Variants in MAPK4 observed in about 807,000 individuals in gnomAD.
MAPK4 encodes the protein Erk3-related.
A neutral mutation model predicts 47.7 loss-of-function variants in MAPK4; 22 were observed. The ratio of observed to expected loss-of-function variants is 0.46; its 90% CI spans 0.33 to 0.66. The LOEUF (loss-of-function observed/expected upper bound fraction) is 0.66, where lower values mean the gene tolerates loss of function less well. Ranked by LOEUF, MAPK4 falls within the 30% of genes least tolerant of loss-of-function variation. The probability of loss-of-function intolerance (pLI) is 0.02; values close to 1 mark genes in which losing one functional copy is unlikely to be tolerated. For missense variants in MAPK4, 736 were observed against 831.7 expected, an observed-to-expected ratio of 0.88 and a Z score of 1.42; for synonymous variants, 390 against 365.7, an observed-to-expected ratio of 1.07 and a Z score of -0.76.
At chr18:50,621,935 T>C (rs927247685) in intron 1 of MAPK4, among the ~76,000 whole-genome samples, 1 of 151,958 alleles carries the variant, frequency 6.6e-6, no homozygotes. Flanking sequence ...ACCTGTGCAC[T>C]GCACTGTGCC....
chr18:50,646,764 C>A (rs1285460475), intron 1 of MAPK4, among the ~76,000 whole-genome samples: 1 of 152,182 alleles, frequency 6.6e-6, no homozygotes, highest in African/African-American at 2.4e-5. Flanking sequence ...CCTCCCATGG[C>A]CCAGCAGAAT....
At chr18:50,643,715 C>A (rs2042962336) in intron 1 of MAPK4, among the ~76,000 whole-genome samples, 1 of 152,144 alleles carries the variant, frequency 6.6e-6, no homozygotes, top group African/African-American at 2.4e-5. Context: ...TAGTTTCATG[C>A]AAGCCTCAAG....
At chr18:50,718,343 C>T (rs1004146181) in intron 3 of MAPK4, among the ~76,000 whole-genome samples, 2 of 152,184 alleles carry the variant, frequency 1.3e-5, no homozygotes, top group African/African-American at 4.8e-5. Flanking sequence ...CTCAGCCTCC[C>T]GAGTAGCTGG....
chr18:50,706,356 C>T (rs991647227), intron 2 of MAPK4, among the ~76,000 whole-genome samples: 2 of 152,052 alleles, frequency 1.3e-5, no homozygotes, highest in African/African-American at 4.8e-5. Context: ...TTGGAGTCAC[C>T]TGGGGAGCTG....
chr18:50,580,359 A>AGGTGAGAAG (rs1442398038), intron 1 of MAPK4, among the ~76,000 whole-genome samples: 9 of 152,336 alleles, frequency 5.9e-5, no homozygotes, highest in African/African-American at 2.2e-4. Context: ...CGGCTGCCTC[A>AGGTGAGAAG]GGTGAGAAGG....
chr18:50,594,540 TA>T (rs1269551079), intron 1 of MAPK4, among the ~76,000 whole-genome samples: 2 of 152,178 alleles, frequency 1.3e-5, no homozygotes, highest in Non-Finnish European at 2.9e-5. Context: ...AAATGGATAT[TA>T]ATCTGTAAAT....
chr18:50,625,481 G>A (rs559966262), intron 1 of MAPK4, among the ~76,000 whole-genome samples: 52 of 152,156 alleles, frequency 3.4e-4, no homozygotes, highest in South Asian at 6.2e-4. Flanking sequence ...CCCCCATTCC[G>A]TGAGCAAATG....
At chr18:50,673,397 A>G (rs969627364) in intron 2 of MAPK4, among the ~76,000 whole-genome samples, 4 of 152,214 alleles carry the variant, frequency 2.6e-5, no homozygotes, top group East Asian at 1.9e-4. Context: ...GCAAGTGCCA[A>G]AGCTCCTGAA....
In MAPK4 at chr18:50,670,958, C is replaced by T. The variant is rs1267434370; in HGVS notation, c.546+6454C>T. ...CTGATGCTCCTGAACTTTTAAGAAC[C>T]ATTGACCCAAAGACATGGGATTGCT... is the stretch of plus-strand genomic sequence containing the variant. On this transcript the variant is annotated intron_variant, in intron 2 of 5. Coordinates refer to ENST00000400384, the MANE Select transcript of MAPK4 (RefSeq NM_002747.4). Among the ~76,000 whole-genome samples, 6 of 152,288 alleles carry T rather than the reference C, an allele frequency of 3.9e-5. No individual in the cohort carries two copies. The East Asian group carries it at 5.8e-4, about 15-fold the overall frequency.
chr18:50,618,510 T>C (rs1174597352), intron 1 of MAPK4, among the ~76,000 whole-genome samples: 1 of 152,210 alleles, frequency 6.6e-6, no homozygotes, highest in Non-Finnish European at 1.5e-5. Context: ...AAAATGTATA[T>C]ATAAAATCTG....
chr18:50,729,049 G>T, intron 5 of MAPK4, 109 bp from the exon 6 acceptor site: 1 of 919,980 alleles, frequency 1.1e-6, no homozygotes, highest in Non-Finnish European at 1.7e-6. Flanking sequence ...TGAGGGATGG[G>T]GGTCGAAGGC....
At chr18:50,611,310 T>C (rs2042631119) in intron 1 of MAPK4, among the ~76,000 whole-genome samples, 1 of 152,212 alleles carries the variant, frequency 6.6e-6, no homozygotes, top group Non-Finnish European at 1.5e-5. Context: ...TTCTGCCATC[T>C]CTAGAGGCTC....
Position 50,692,675 on chromosome 18 carries a change from G to C in MAPK4, c.547-22404G>C, listed in dbSNP as rs1175149023. ...AGCTGTTTGCAGCTCTTATTACTTG[G>C]TGGGACAGAGCTAGGGGCCTGTGGG... On this transcript the variant is annotated intron_variant, in intron 2 of 5. Transcript: ENST00000400384. 2.0e-5 allele frequency among the ~76,000 whole-genome samples: 3 copies of C among 152,156 alleles called. No individual in the cohort carries two copies. In the East Asian group the frequency reaches 5.8e-4, roughly 29 times the overall value.
intron 2 of MAPK4, among the ~76,000 whole-genome samples, chr18:50,693,046 A>C (rs1033125189): frequency 3.4e-4 from 52 of 152,282 alleles, no homozygotes; most frequent in African/African-American, 1.3e-3. Context: ...ACTTGAGGCC[A>C]TGAGTTCGAA....
rs148919763 is a variant in MAPK4, at chr18:50,634,743, T to C, written c.-870-28346T>C. ...ATTACCAAGGATGAAAATATATTGG[T>C]TTAATATCCAAATAATATTATTCCC... On this transcript the variant is annotated intron_variant, in intron 1 of 5. Coordinates refer to ENST00000400384, the MANE Select transcript of MAPK4 (RefSeq NM_002747.4). Among the ~76,000 whole-genome samples the C allele has an allele frequency of 1.6e-4, 24 of 152,316 alleles. No individual in the cohort carries two copies. In the East Asian group the frequency reaches 4.2e-3, roughly 27 times the overall value.
At chr18:50,660,047 G>A (rs1217771242) in intron 1 of MAPK4, among the ~76,000 whole-genome samples, 2 of 152,186 alleles carry the variant, frequency 1.3e-5, no homozygotes, top group Non-Finnish European at 2.9e-5. Flanking sequence ...GCAAGAAATG[G>A]ACCACTAACC....
chr18:50,624,014 G>C (rs1269957838), intron 1 of MAPK4, among the ~76,000 whole-genome samples: 1 of 152,188 alleles, frequency 6.6e-6, no homozygotes, highest in Non-Finnish European at 1.5e-5. Context: ...TCTTTTCAGA[G>C]ACACCTTCTG....
intron 5 of MAPK4, among the ~76,000 whole-genome samples, chr18:50,728,269 C>T (rs570607626): frequency 9.4e-4 from 143 of 152,352 alleles, no homozygotes; most frequent in African/African-American, 3.3e-3. Flanking sequence ...GAGCTGATGG[C>T]CTGCCTGTCT....
intron 3 of MAPK4, among the ~76,000 whole-genome samples, chr18:50,716,447 G>T (rs1910640011): frequency 6.6e-6 from 1 of 152,068 alleles, no homozygotes; most frequent in Non-Finnish European, 1.5e-5. Flanking sequence ...TCCACACTCA[G>T]CCCTAAATGC....
Sources: gnomAD v4.1 joint callset for allele counts (sites outside exome capture counted in the v4.1 genomes callset) on GRCh38, gnomAD v4.1.1 for gene constraint, MANE v1.5 for transcripts, NCBI Gene and HGNC (gene_info 2026-07-23, HGNC 2026-07-21) for gene names.